The following RBM46 variants were observed in gnomAD, a reference collection of about 807,000 sequenced individuals.
RBM46 encodes RNA binding motif protein 46.
In RBM46, 12 loss-of-function variants were observed where a neutral mutation model predicts 43.3. The observed-to-expected ratio is 0.28, with a 90% confidence interval of 0.18 to 0.45. The LOEUF (loss-of-function observed/expected upper bound fraction) is 0.45. Among genes scored for constraint, RBM46 ranks in the 20% least tolerant of loss-of-function variants. The pLI is 1.00. For missense variants in RBM46, 412 were observed against 639.1 expected (o/e 0.64, Z 3.83); for synonymous variants, 205 against 207.6 (o/e 0.99, Z 0.11).
intron 4 of RBM46, among the ~76,000 whole-genome samples, chr4:154,807,976 A>G (rs1734986943): frequency 6.6e-6 from 1 of 151,922 alleles, no homozygotes; most frequent in Non-Finnish European, 1.5e-5. Context: ...AACTAAATAA[A>G]TTTAGTTTGC....
chr4:154,813,659 T>C (rs1185588273), intron 4 of RBM46, among the ~76,000 whole-genome samples: 6 of 152,052 alleles, frequency 3.9e-5, no homozygotes, highest in Admixed American at 1.3e-4. Flanking sequence ...TTATTGTATG[T>C]TATTTCTAAT....
chr4:154,821,114 T>TTG (rs1735701719), intron 4 of RBM46, among the ~76,000 whole-genome samples: 1 of 151,826 alleles, frequency 6.6e-6, no homozygotes, highest in Non-Finnish European at 1.5e-5. Flanking sequence ...GTTATTTTTA[T>TTG]CACTTAATAA....
chr4:154,784,477 A>C (rs1002795569), intron 1 of RBM46, among the ~76,000 whole-genome samples: 1 of 152,230 alleles, frequency 6.6e-6, no homozygotes, highest in African/African-American at 2.4e-5. Flanking sequence ...TCACATTGTT[A>C]CTTGAATAGC....
intron 4 of RBM46, among the ~76,000 whole-genome samples, chr4:154,816,755 C>T (rs1174124200): frequency 6.6e-6 from 1 of 151,892 alleles, no homozygotes; most frequent in African/African-American, 2.4e-5. Context: ...ATGATAAAAA[C>T]CATCCTTATA....
intron 4 of RBM46, among the ~76,000 whole-genome samples, chr4:154,820,663 G>GT (rs1735680710): frequency 6.6e-6 from 1 of 151,632 alleles, no homozygotes; most frequent in South Asian, 2.1e-4. Flanking sequence ...CACCAAGATG[G>GT]TAAACAGTAT....
rs1048558688 is a variant in RBM46 at position 154,804,690 on chromosome 4, TCTTA to T, written c.1402+5130_1402+5133del. On this transcript the variant is annotated intron_variant, in intron 4 of 4. Transcript: ENST00000281722. Reference sequence around the variant, plus strand: ...AATACTGATACAAGTGGTATTTTTTTCTTACTTGTATGGCTATTGGAAAATTTTT... The same window carrying T: ...AATACTGATACAAGTGGTATTTTTTTCTTGTATGGCTATTGGAAAATTTTT... 7.2e-5 allele frequency among the ~76,000 whole-genome samples: 11 copies of T among 152,310 alleles called. No homozygotes were observed. In the East Asian group the frequency reaches 2.1e-3, roughly 29 times the overall value.
chr4:154,782,788 G>A (rs1220574513), intron 1 of RBM46, among the ~76,000 whole-genome samples: 1 of 152,172 alleles, frequency 6.6e-6, no homozygotes, highest in East Asian at 1.9e-4. Context: ...AGCTTTTTAA[G>A]TCTTGGCTTC....
At chr4:154,793,063 C>T (rs1170747472) in intron 1 of RBM46, among the ~76,000 whole-genome samples, 3 of 152,218 alleles carry the variant, frequency 2.0e-5, no homozygotes, top group East Asian at 1.9e-4. Flanking sequence ...TATATTCCTA[C>T]ACAGCCATCT....
At chr4:154,816,089 C>T (rs965080553) in intron 4 of RBM46, among the ~76,000 whole-genome samples, 5 of 152,228 alleles carry the variant, frequency 3.3e-5, no homozygotes, top group African/African-American at 1.2e-4. Context: ...TGGATATTAA[C>T]ATTCTATTCC....
chr4:154,786,318 A>G (rs1050772172), intron 1 of RBM46, among the ~76,000 whole-genome samples: 93 of 151,982 alleles, frequency 6.1e-4, no homozygotes, highest in East Asian at 1.2e-3. Flanking sequence ...TGAACTCCTG[A>G]CCTCAGGCAA....
chr4:154,827,212 ACTATAAGTTGATAAT>A (rs1736009572), intron 4 of RBM46: 1 of 896,216 alleles, frequency 1.1e-6, no homozygotes. Context: ...ATTTTTCTGT[ACTATAAGTTGATAAT>A]GGTTTTTTGA....
intron 4 of RBM46, among the ~76,000 whole-genome samples, chr4:154,826,172 A>AG (rs1735951175): frequency 6.6e-6 from 1 of 151,918 alleles, no homozygotes; most frequent in Non-Finnish European, 1.5e-5. Flanking sequence ...AGAAAAAAAA[A>AG]AAGCATGAGG....
chr4:154,826,739 CTTT>C (rs34828322), intron 4 of RBM46: 209,144 of 915,896 alleles, frequency 0.23, 6,946 homozygotes, highest in Non-Finnish European at 0.24. Flanking sequence ...TTCATTTTTC[CTTT>C]TTTTTTTTTT....
intron 4 of RBM46, among the ~76,000 whole-genome samples, chr4:154,819,597 T>G (rs1206022543): frequency 6.6e-6 from 1 of 152,230 alleles, no homozygotes; most frequent in Non-Finnish European, 1.5e-5. Context: ...TGATTAGTGT[T>G]ACCTAGTTCA....
chr4:154,804,368 TAAAGC>T (rs1734802630), intron 4 of RBM46, among the ~76,000 whole-genome samples: 1 of 152,230 alleles, frequency 6.6e-6, no homozygotes, highest in East Asian at 1.9e-4. Context: ...TGTTTAGTAA[TAAAGC>T]AAACTATCAA....
chr4:154,816,912 G>C (rs1278236281), intron 4 of RBM46, among the ~76,000 whole-genome samples: 1 of 151,768 alleles, frequency 6.6e-6, no homozygotes, highest in Non-Finnish European at 1.5e-5. Flanking sequence ...ATACTTTTTT[G>C]CATCTAGTTA....
intron 1 of RBM46, among the ~76,000 whole-genome samples, chr4:154,796,385 G>T (rs1353266541): frequency 1.3e-5 from 2 of 152,158 alleles, no homozygotes; most frequent in African/African-American, 2.4e-5. Context: ...ATGTAGATTG[G>T]CAGGTATATT....
At chr4:154,791,102 C>G (rs1318497669) in intron 1 of RBM46, among the ~76,000 whole-genome samples, 2 of 152,166 alleles carry the variant, frequency 1.3e-5, no homozygotes, top group Non-Finnish European at 2.9e-5. Context: ...AGCATTTTCC[C>G]ATGGTTCTGT....
intron 4 of RBM46, among the ~76,000 whole-genome samples, chr4:154,821,419 C>G (rs1184605461): frequency 6.6e-6 from 1 of 151,622 alleles, no homozygotes; most frequent in East Asian, 1.9e-4. Flanking sequence ...TATACTGAAG[C>G]CTACCTGGAT....
Sources: allele counts gnomAD v4.1 joint callset (sites outside exome capture counted in the v4.1 genomes callset), GRCh38; gene constraint gnomAD v4.1.1; transcripts MANE v1.5; gene names NCBI Gene and HGNC (gene_info 2026-07-23, HGNC 2026-07-21).